Variants in DOCK6 observed in about 807,000 individuals in gnomAD.
DOCK6 encodes dedicator of cytokinesis protein 6.
Under a neutral mutation model 230.3 loss-of-function variants are expected in DOCK6, and 167 were observed. The ratio of observed to expected loss-of-function variants is 0.73; its 90% confidence interval spans 0.64 to 0.82. The LOEUF (loss-of-function observed/expected upper bound fraction) is 0.82, where lower values mean the gene tolerates loss of function less well. Among genes scored for constraint, DOCK6 ranks in the 40% least tolerant of loss-of-function variants. The pLI is 0.00. For missense variants in DOCK6, 2,598 were observed against 2,825.8 expected (o/e 0.92, Z 1.83); for synonymous variants, 1,148 against 1,185.0 (o/e 0.97, Z 0.64).
chr19:11,222,894 C>T lies in DOCK6; in HGVS notation c.3081G>A (p.Arg1027=), dbSNP rs2079603282. The change falls in exon 26 of 48, where the codon CGG becomes CGA. Residue 1027 remains arginine (R), a synonymous_variant. Transcript: ENST00000294618. This position sits in a 1 kb window ranked among gnomAD's most constrained non-coding sequence, Gnocchi z 4.0. Reference sequence around the variant, plus strand: ...CTGCTGGATTAGGGGACGACTGGAGCCGCGTGGCCACCTGCAGGAGAGGGG... The same window carrying T: ...CTGCTGGATTAGGGGACGACTGGAGTCGCGTGGCCACCTGCAGGAGAGGGG... The part of the protein sequence containing the change: ...VRAHYKQVAT[R]LQSSPNPAAL... 6.2e-7 allele frequency: 1 copy of T among 1,608,740 alleles called. No homozygotes were observed. The highest frequency in any genetic ancestry group is 8.5e-7 in the Non-Finnish European group (1 of 1,177,852).
At position 11,204,329 on chromosome 19, in the gene DOCK6, G is replaced by A. The variant is rs766712351; in HGVS notation, c.5091C>T (p.Gly1697=). The A allele has an allele frequency of 1.2e-5, 19 of 1,611,194 alleles. No homozygotes were observed. The East Asian group carries it at 1.6e-4, about 13-fold the overall frequency. ...LEQAAGYFTM[G]GLYEAVNEVY... ...CCTCATTCACCGCCTCGTAGAGCCC[G>A]CCCTGAGGGTGAGGTGGGGTCAGGA... Residue 1697 remains glycine, a splice_region_variant and synonymous_variant, in exon 40 of 48, where the codon GGC becomes GGT. Transcript: ENST00000294618.
Position 11,236,078 on chromosome 19 carries a change from CCATGTTGGT to C in DOCK6, c.2392+259_2392+267del, listed in dbSNP as rs2079842830. The stretch of plus-strand genomic sequence containing the variant: ...TATTTTTAGTAGAGAAGGGGTTTCT[CCATGTTGGT>C]CAGGCTGGTCTCAAACTCTCGACCT... On this transcript the variant is annotated intron_variant, in intron 20 of 47. Coordinates refer to ENST00000294618, the MANE Select transcript of DOCK6 (RefSeq NM_020812.4). This position sits in a 1 kb window ranked among gnomAD's most constrained non-coding sequence, Gnocchi z 5.2. 2.0e-6 allele frequency: 1 copy of C among 511,452 alleles called. No homozygotes were observed. Among genetic ancestry groups the C allele is most frequent in the African/African-American group, 1.9e-5 (1 of 51,922 alleles). 31.7% of individuals were successfully genotyped at this position (511,452 alleles called of 1,614,324 possible). A position where few individuals can be genotyped will look rare whatever the true frequency, so the allele number is the denominator to read the frequency against.
At chr19:11,214,250 A>T in intron 34 of DOCK6, 25 bp downstream of exon 34, 1 of 1,582,968 alleles carries the variant, frequency 6.3e-7, no homozygotes, top group Non-Finnish European at 8.6e-7. Flanking sequence ...TTTTCTAAGA[A>T]TCATGGTTGT....
At chr19:11,247,184 G>C (rs1203940653) in intron 7 of DOCK6, 1 of 152,092 alleles carries the variant, frequency 6.6e-6, no homozygotes, top group Non-Finnish European at 1.5e-5. Context: ...CTGCCCTCCG[G>C]GTCAAGAGAT....
chr19:11,212,069 A>G lies in DOCK6; in HGVS notation c.4574T>C (p.Leu1525Pro). The change falls in exon 36 of 48, where the codon CTG becomes CCG. Residue 1525 changes from leucine (L) to proline (P), a missense_variant. Transcript: ENST00000294618. The stretch of plus-strand genomic sequence containing the variant: ...GAGGATGGTTTTGAGTGAACGTCGC[A>G]GGTGCTCTTCACTGAAGTTCTGCGT... Reference protein sequence around the residue: ...GTTQNFSEEHLRRSLKTILTY... With the variant: ...GTTQNFSEEHPRRSLKTILTY... The G allele has an allele frequency of 6.2e-7, 1 of 1,611,604 alleles. No individual in the cohort carries two copies. The highest frequency in any genetic ancestry group is 1.1e-5 in the South Asian group (1 of 90,542).
chr19:11,252,299 G>A, intron 4 of DOCK6, 51 bp from the exon 5 acceptor site: 7 of 1,565,916 alleles, frequency 4.5e-6, no homozygotes, highest in Non-Finnish European at 6.1e-6. Context: ...GCCCCCAGGG[G>A]GTCCCCAGTG....
At chr19:11,207,908 T>A (rs752898188) in intron 39 of DOCK6, among the ~76,000 whole-genome samples, 19 of 151,888 alleles carry the variant, frequency 1.3e-4, no homozygotes, top group Non-Finnish European at 2.6e-4. Context: ...CCAGCCTAGG[T>A]GACAGAATGG....
Position 11,248,083 on chromosome 19 carries a change from G to A in DOCK6, c.789C>T (p.Val263=), listed in dbSNP as rs746975548. ...PREHFGQRIL[V]KCLSLKFEIE... is the part of the protein sequence containing the mutation. Reference sequence around the variant, plus strand: ...ATACTCACTTGAGCGACAGACACTTGACCAAGATCCTTTGTCCAAAGTGCT... The same window carrying A: ...ATACTCACTTGAGCGACAGACACTTAACCAAGATCCTTTGTCCAAAGTGCT... Residue 263 remains valine, a synonymous_variant, in exon 7 of 48, where the codon GTC becomes GTT. Transcript: ENST00000294618. 6.2e-7 allele frequency: 1 copy of A among 1,610,486 alleles called. No individual in the cohort carries two copies.
rs1430551633 is a variant in DOCK6 at position 11,242,137 on chromosome 19, A to G, written c.1551T>C (p.His517=). 6.7e-7 allele frequency: 1 copy of G among 1,501,922 alleles called. No individual in the cohort carries two copies. The highest frequency in any genetic ancestry group is 2.5e-5 in the Admixed American group (1 of 40,806). The allele number at this position is 1,501,922 out of a possible 1,614,324, so 93.0% of individuals were successfully genotyped here. Residue 517 remains histidine, a synonymous_variant, in exon 14 of 48, where the codon CAT becomes CAC. Transcript: ENST00000294618. ...CCCTGGGGTCCGGGTAGGGCTTGAT[A>G]TGAAGCAGCTCAGGGGAGAGGCAGA... ...PHFCLSPELL[H]IKPYPDPRGR...
At chr19:11,247,364 G>C (rs1290130325) in intron 7 of DOCK6, 1 of 152,286 alleles carries the variant, frequency 6.6e-6, no homozygotes, top group East Asian at 1.9e-4. Context: ...AGAGTATTAG[G>C]ATTACAGGTG....
chr19:11,206,698 A>G (rs111494157), intron 39 of DOCK6, among the ~76,000 whole-genome samples: 6 of 152,304 alleles, frequency 3.9e-5, no homozygotes, highest in African/African-American at 1.2e-4. Context: ...ACATCTAAAT[A>G]TAGAGTGCAA....
intron 30 of DOCK6, 162 bp from the exon 31 acceptor site, chr19:11,216,089 AATT>A: frequency 2.3e-6 from 2 of 879,538 alleles, no homozygotes; most frequent in Non-Finnish European, 3.2e-6. Context: ...CCAAAAAAAA[AATT>A]TTTTTTTTTT....
chr19:11,251,118 C>T (rs1432707259), intron 5 of DOCK6, 32 bp from the exon 6 acceptor site: 5 of 1,579,218 alleles, frequency 3.2e-6, no homozygotes, highest in Non-Finnish European at 4.3e-6. Flanking sequence ...GCACTGAGTG[C>T]CAGCTGTATA....
rs2079679503 is a variant in DOCK6, at chr19:11,227,212, C to T, written c.2955+125G>A. 7 of 1,314,694 alleles carry T rather than the reference C, an allele frequency of 5.3e-6. No individual in the cohort carries two copies. The highest frequency in any genetic ancestry group is 7.3e-6 in the Non-Finnish European group (7 of 955,366). The allele number at this position is 1,314,694 out of a possible 1,614,324, so 81.4% of individuals were successfully genotyped here. A position where few individuals can be genotyped will look rare whatever the true frequency, so the allele number is the denominator to read the frequency against. Reference sequence around the variant, plus strand: ...AGAAACAGACAATGAATGAACGGATCCACCCAGCAAAGTGGATTCCTGGTC... The same window carrying T: ...AGAAACAGACAATGAATGAACGGATTCACCCAGCAAAGTGGATTCCTGGTC... On this transcript the variant is annotated intron_variant, in intron 24 of 47. Coordinates refer to ENST00000294618, the MANE Select transcript of DOCK6 (RefSeq NM_020812.4).
intron 37 of DOCK6, among the ~76,000 whole-genome samples, chr19:11,211,520 CACCTGTCTGCTCCCCTATCCCCCTT>C (rs1484668008): frequency 6.6e-6 from 1 of 151,038 alleles, no homozygotes; most frequent in Admixed American, 6.6e-5. Flanking sequence ...CTGTCCCCCT[CACCTGTCTGCTCCCCTATCCCCCTT>C]ACCTGTCTGC....
At chr19:11,206,878 C>G (rs2079270906) in intron 39 of DOCK6, among the ~76,000 whole-genome samples, 1 of 150,896 alleles carries the variant, frequency 6.6e-6, no homozygotes, top group Admixed American at 6.6e-5. Context: ...GAGTCTTGCT[C>G]TGTCTGTCAG....
intron 31 of DOCK6, 70 bp downstream of exon 31, chr19:11,215,731 A>C (rs2079474576): frequency 1.2e-6 from 2 of 1,605,868 alleles, no homozygotes; most frequent in Admixed American, 3.3e-5. Context: ...GGCCCCCTTC[A>C]TGGGGTCCCC....
Position 11,236,731 on chromosome 19 carries a change from C to A in DOCK6, c.2160+62G>T. 6.5e-7 allele frequency: 1 copy of A among 1,542,750 alleles called. No individual in the cohort carries two copies. Among genetic ancestry groups the A allele is most frequent in the South Asian group, 1.2e-5 (1 of 83,818 alleles). ...TCCCCGGCCATCGGCAACTGTTACT[C>A]AATCGTAGGGCAGGCAAGAGGGGAG... is the stretch of plus-strand genomic sequence containing the variant. On this transcript the variant is annotated intron_variant, in intron 19 of 47. Transcript: ENST00000294618. This position sits in a 1 kb window ranked among gnomAD's most constrained non-coding sequence, Gnocchi z 5.2.
Position 11,202,579 on chromosome 19 carries a change from C to A in DOCK6, c.5361+5G>T. The A allele has an allele frequency of 1.2e-6, 2 of 1,614,028 alleles. No homozygotes were observed. Among genetic ancestry groups the A allele is most frequent in the Non-Finnish European group, 1.7e-6 (2 of 1,179,902 alleles). ...CCCGTTCCACCCCCAACCACAAGGA[C>A]GTGCCTCCAGCCGGTGTGAGATCTC... On this transcript the variant is annotated splice_donor_5th_base_variant and intron_variant, in intron 42 of 47. Transcript: ENST00000294618. The surrounding 1 kb of genome is among the most constrained non-coding windows in gnomAD (Gnocchi z 5.3).
Sources: gnomAD v4.1 joint callset for allele counts (sites outside exome capture counted in the v4.1 genomes callset) on GRCh38, gnomAD v4.1.1 for gene constraint, Gnocchi (gnomAD v3.1) non-coding constraint, MANE v1.5 for transcripts, NCBI Gene and HGNC (gene_info 2026-07-23, HGNC 2026-07-21) for gene names.